XPO5: variants seen among roughly 807,000 people sequenced by gnomAD.
XPO5 encodes exportin-5.
Under a neutral mutation model 160.6 loss-of-function variants are expected in XPO5, and 46 were observed. The ratio of observed to expected loss-of-function variants is 0.29; its 90% confidence interval spans 0.23 to 0.37. The LOEUF (loss-of-function observed/expected upper bound fraction) is 0.37. XPO5 is among the 10% of genes least tolerant of loss of function. The probability of loss-of-function intolerance (pLI) is 1.00; values close to 1 mark genes in which losing one functional copy is unlikely to be tolerated. For synonymous variants in XPO5, 537 were observed against 519.3 expected (o/e 1.03, Z -0.46); for missense variants, 1,090 against 1,463.9 (o/e 0.74, Z 4.17).
chr6:43,547,017 C>T (rs936108513), intron 19 of XPO5, among the ~76,000 whole-genome samples: 2 of 152,112 alleles, frequency 1.3e-5, no homozygotes, highest in Non-Finnish European at 2.9e-5. Flanking sequence ...AGTGACCCAC[C>T]CACAGGACCC....
At chr6:43,563,149 C>T (rs746164534) in intron 8 of XPO5, among the ~76,000 whole-genome samples, 2 of 151,914 alleles carry the variant, frequency 1.3e-5, no homozygotes, top group Non-Finnish European at 2.9e-5. Context: ...TTTTGAGACA[C>T]GATCTCGCTG....
At position 43,523,528 on chromosome 6, in the gene XPO5, T is replaced by G; in HGVS notation, c.*340A>C. The stretch of plus-strand genomic sequence containing the variant: ...TTGGGCACAGCACCCTTAGTTACCA[T>G]TCTGTACAGGTATGTGGCTGCACGG... On this transcript the variant is annotated 3_prime_UTR_variant, in exon 32 of 32. Transcript: ENST00000265351. 1.1e-5 allele frequency: 5 copies of G among 457,788 alleles called. No individual in the cohort carries two copies. The highest frequency in any genetic ancestry group is 2.0e-5 in the African/African-American group (1 of 50,046). 28.4% of individuals were successfully genotyped at this position (457,788 alleles called of 1,614,324 possible).
At chr6:43,573,739 T>A (rs899012423) in intron 1 of XPO5, 138 bp from the exon 2 acceptor site, 4 of 1,028,636 alleles carry the variant, frequency 3.9e-6, no homozygotes, top group African/African-American at 1.7e-5. Flanking sequence ...CTGAGATGGG[T>A]GGACTACTTG....
At chr6:43,545,949 T>C (rs1335558010) in intron 20 of XPO5, among the ~76,000 whole-genome samples, 1 of 152,166 alleles carries the variant, frequency 6.6e-6, no homozygotes, top group East Asian at 1.9e-4. Context: ...ACTGGGCATC[T>C]AGTTAAAATG....
intron 20 of XPO5, among the ~76,000 whole-genome samples, chr6:43,546,106 G>A (rs1356703908): frequency 6.6e-6 from 1 of 152,090 alleles, no homozygotes; most frequent in Non-Finnish European, 1.5e-5. Context: ...TAATTCCTTT[G>A]TTTAGCATGT....
rs915970544 is a variant in XPO5, at chr6:43,547,513, T to C, written c.2160+95A>G. The C allele has an allele frequency of 5.3e-6, 6 of 1,132,938 alleles. No homozygotes were observed. In the African/African-American group the frequency reaches 6.1e-5, roughly 12 times the overall value. The allele number at this position is 1,132,938 out of a possible 1,614,324, so 70.2% of individuals were successfully genotyped here. On this transcript the variant is annotated intron_variant, in intron 19 of 31. Transcript: ENST00000265351. Reference sequence around the variant, plus strand: ...TGGAGACTCCCACGTTTCTCACCAGTATAGAAAAAACAAATCTATGAGAAA... The same window carrying C: ...TGGAGACTCCCACGTTTCTCACCAGCATAGAAAAAACAAATCTATGAGAAA...
rs563836917 is a variant in XPO5 at position 43,539,303 on chromosome 6, C to T, written c.2343-5296G>A. The stretch of plus-strand genomic sequence containing the variant: ...CTTAACACCCAGACCGACGTGGCCA[C>T]TGTAGTCCCCGATAGCAACAAACGC... On this transcript the variant is annotated intron_variant, in intron 20 of 31. Transcript: ENST00000265351. 27 of 1,554,934 alleles carry T rather than the reference C, an allele frequency of 1.7e-5. No homozygotes were observed. The South Asian group carries it at 2.6e-4, about 15-fold the overall frequency.
In XPO5 at chr6:43,523,364, A is replaced by G. The variant is rs1017069783; in HGVS notation, c.*504T>C. On this transcript the variant is annotated 3_prime_UTR_variant, in exon 32 of 32. Transcript: ENST00000265351. The stretch of plus-strand genomic sequence containing the variant: ...TCAGCACTTAGCACCTAACCCAGAC[A>G]TGCCCCTTAGGGAGTGGGGAAAGTT... 1.1e-5 allele frequency: 3 copies of G among 283,946 alleles called. No individual in the cohort carries two copies. The highest frequency in any genetic ancestry group is 4.9e-5 in the Admixed American group (1 of 20,552). 17.6% of individuals were successfully genotyped at this position (283,946 alleles called of 1,614,324 possible).
At chr6:43,537,140 C>CTT (rs70990198) in intron 20 of XPO5, among the ~76,000 whole-genome samples, 5,312 of 137,144 alleles carry the variant, frequency 0.039, 366 homozygotes, top group African/African-American at 0.13. Context: ...ATAATTAAAA[C>CTT]TTTTTTTTTT....
chr6:43,575,722 G>T (rs780689989), intron 1 of XPO5, 38 bp downstream of exon 1: 4 of 1,567,488 alleles, frequency 2.6e-6, no homozygotes, highest in Non-Finnish European at 3.5e-6. Context: ...CTGGGAGAGG[G>T]TGTCGGGACC....
chr6:43,546,674 C>T lies in XPO5; in HGVS notation c.2239G>A (p.Gly747Arg). 6.2e-7 allele frequency: 1 copy of T among 1,613,642 alleles called. No homozygotes were observed. The highest frequency in any genetic ancestry group is 8.5e-7 in the Non-Finnish European group (1 of 1,179,734). ...WPTDLEEAKA[G>R]GFVVGYTSSG... ...GATGTATAACCCACCACAAATCCCCCAGCTTTGGCCTCTTCTAGGTCAGTG... is the reference window on the plus strand; with the variant it reads ...GATGTATAACCCACCACAAATCCCCTAGCTTTGGCCTCTTCTAGGTCAGTG... The change falls in exon 20 of 32, where the codon GGG (glycine) becomes AGG (arginine). Residue 747 changes from glycine (G) to arginine (R), a missense_variant. Gly to Arg is a moderately radical substitution (Grantham distance 125). Transcript: ENST00000265351.
intron 27 of XPO5, 80 bp downstream of exon 27, chr6:43,526,605 C>A: frequency 6.5e-7 from 1 of 1,532,604 alleles, no homozygotes; most frequent in Non-Finnish European, 9.0e-7. Context: ...CACCAGACTG[C>A]AAGGAAACTG....
At position 43,551,471 on chromosome 6, in the gene XPO5, A is replaced by C; in HGVS notation, c.1573-18T>G. 1.2e-6 allele frequency: 2 copies of C among 1,607,378 alleles called. No individual in the cohort carries two copies. Among genetic ancestry groups the C allele is most frequent in the Non-Finnish European group, 1.7e-6 (2 of 1,177,772 alleles). On this transcript the variant is annotated intron_variant, in intron 14 of 31. Coordinates refer to ENST00000265351, the MANE Select transcript of XPO5 (RefSeq NM_020750.3). ...GGAATTTCCTGTAACAAAGACATAA[A>C]ACAGGTTGACAATGGCTGCCTCCAC...
At chr6:43,548,218 G>A (rs1795057751) in intron 18 of XPO5, 43 bp downstream of exon 18, 1 of 1,512,642 alleles carries the variant, frequency 6.6e-7, no homozygotes, top group African/African-American at 1.4e-5. Flanking sequence ...ACCAAAATGG[G>A]TGCTTGAGTA....
chr6:43,549,744 G>C (rs1355579096), intron 16 of XPO5, 149 bp downstream of exon 16: 1 of 1,120,484 alleles, frequency 8.9e-7, no homozygotes, highest in Non-Finnish European at 1.3e-6. Flanking sequence ...CATGTTTCTT[G>C]TATGCCCTAT....
At chr6:43,534,632 G>A (rs768751868) in intron 20 of XPO5, among the ~76,000 whole-genome samples, 1 of 152,150 alleles carries the variant, frequency 6.6e-6, no homozygotes, top group Non-Finnish European at 1.5e-5. Flanking sequence ...ATGGCTACAC[G>A]TTTAAGATGC....
In XPO5 at chr6:43,575,860, G is replaced by A. The variant is rs1485928584; in HGVS notation, c.5C>T (p.Ala2Val). The A allele has an allele frequency of 1.2e-6, 2 of 1,613,446 alleles. No homozygotes were observed. Among genetic ancestry groups the A allele is most frequent in the African/African-American group, 1.3e-5 (1 of 74,926 alleles). The change falls in exon 1 of 32, where the codon GCG becomes GTG. Residue 2 changes from alanine (A) to valine (V), a missense_variant. Around this residue, in one of 3 missense-constraint regions of XPO5, gnomAD observed 170 missense variants for 227.0 expected, o/e 0.75. Coordinates refer to ENST00000265351, the MANE Select transcript of XPO5 (RefSeq NM_020750.3). M[A>V]MDQVNALCEQ... ...GCACAGCGCGTTTACTTGATCCATC[G>A]CCATGCCTAGCGCCACGCGCCGAGA...
chr6:43,574,247 G>A (rs1294481535), intron 1 of XPO5, among the ~76,000 whole-genome samples: 1 of 150,782 alleles, frequency 6.6e-6, no homozygotes, highest in African/African-American at 2.4e-5. Context: ...AGGCTGAAGT[G>A]AGCCGAGATC....
rs1795136350 is a variant in XPO5 at position 43,549,692 on chromosome 6, C to A, written c.1771-114G>T. 14 of 1,328,836 alleles carry A rather than the reference C, an allele frequency of 1.1e-5. No homozygotes were observed. In the South Asian group the frequency reaches 1.8e-4, roughly 17 times the overall value. The allele number at this position is 1,328,836 out of a possible 1,614,324, so 82.3% of individuals were successfully genotyped here. ...CAAATTCACAATGATTTTTCACAAC[C>A]CTAAGAGTATAATGGAGTAACATTT... On this transcript the variant is annotated intron_variant, in intron 16 of 31. Coordinates refer to ENST00000265351, the MANE Select transcript of XPO5 (RefSeq NM_020750.3).
Sources: allele counts gnomAD v4.1 joint callset (sites outside exome capture counted in the v4.1 genomes callset), GRCh38; gene constraint gnomAD v4.1.1; regional missense constraint gnomAD v4.1.1; transcripts MANE v1.5; gene names NCBI Gene and HGNC (gene_info 2026-07-23, HGNC 2026-07-21).